DPH6: variants seen among roughly 807,000 people sequenced by gnomAD.
DPH6 encodes the protein diphthamine biosynthesis 6, also known as diphthine--ammonia ligase.
DPH6 carries 33 observed loss-of-function variants against 38.2 expected under a neutral mutation model. The ratio of observed to expected loss-of-function variants is 0.86; its 90% CI spans 0.65 to 1.15. The LOEUF is 1.15. Among genes scored for constraint, DPH6 ranks in the 50% most tolerant of loss-of-function variants. DPH6 has a pLI of 0.00. For synonymous variants in DPH6, 108 were observed against 103.0 expected (o/e 1.05, Z -0.30); for missense variants, 325 against 320.0 (o/e 1.02, Z -0.12).
chr15:35,353,141 G>A (rs2052529999), intron 3 of DPH6, among the ~76,000 whole-genome samples: 2 of 152,022 alleles, frequency 1.3e-5, no homozygotes, highest in Non-Finnish European at 2.9e-5. Flanking sequence ...TTTTTTTCTT[G>A]TAAATTTGTT....
At chr15:35,420,140 A>C (rs2053486056) in intron 5 of DPH6, among the ~76,000 whole-genome samples, 1 of 152,160 alleles carries the variant, frequency 6.6e-6, no homozygotes, top group Non-Finnish European at 1.5e-5. Context: ...AATCATGGAA[A>C]ATTGAGAAGT....
At chr15:35,284,571 T>C (rs941322135) in intron 3 of DPH6, among the ~76,000 whole-genome samples, 2 of 150,678 alleles carry the variant, frequency 1.3e-5, no homozygotes, top group African/African-American at 4.9e-5. Flanking sequence ...AAATTATATA[T>C]ATAATAAAAA....
At chr15:35,507,963 G>A (rs2054717443) in intron 3 of DPH6, among the ~76,000 whole-genome samples, 1 of 151,988 alleles carries the variant, frequency 6.6e-6, no homozygotes, top group Non-Finnish European at 1.5e-5. Flanking sequence ...CTAGAAAATT[G>A]TCAGTATACA....
intron 3 of DPH6, among the ~76,000 whole-genome samples, chr15:35,221,565 G>A (rs1025201551): frequency 6.6e-6 from 1 of 152,294 alleles, no homozygotes; most frequent in Non-Finnish European, 1.5e-5. Flanking sequence ...TCCTGAGAGA[G>A]GTAGCAGGAC....
chr15:35,410,956 T>C (rs1259899131), intron 5 of DPH6, 60 bp from the exon 6 acceptor site: 1 of 1,477,558 alleles, frequency 6.8e-7, no homozygotes, highest in Non-Finnish European at 9.3e-7. Context: ...TAAAGACACA[T>C]TCCCCTTCCC....
rs150442911 is a variant in DPH6, at chr15:35,338,424, T to C, written n.208-7347A>G. Among the ~76,000 whole-genome samples the C allele has an allele frequency of 7.0e-3, 1,062 of 152,176 alleles. 8 individuals carry two copies. Among genetic ancestry groups the C allele is most frequent in the South Asian group, 0.037 (179 of 4,820 alleles). ...GACATTTATGCAGCCAAAAAACAGA[T>C]GAAAGAATGCTCACCATCACTGGCC... On this transcript the variant is annotated intron_variant and non_coding_transcript_variant, in intron 3 of 3. Transcript: ENST00000558973.
intron 3 of DPH6, among the ~76,000 whole-genome samples, chr15:35,345,143 C>T (rs2052451415): frequency 6.6e-6 from 1 of 151,752 alleles, no homozygotes; most frequent in African/African-American, 2.4e-5. Context: ...CCCAAAGTCA[C>T]TTGACATGAA....
At chr15:35,353,836 T>C (rs1465928643) in intron 3 of DPH6, among the ~76,000 whole-genome samples, 4 of 152,224 alleles carry the variant, frequency 2.6e-5, no homozygotes, top group African/African-American at 7.2e-5. Flanking sequence ...GGTAGCTTGA[T>C]GGGGATGGCA....
intron 3 of DPH6, among the ~76,000 whole-genome samples, chr15:35,226,162 A>G (rs1217164771): frequency 2.0e-5 from 3 of 152,132 alleles, no homozygotes; most frequent in Non-Finnish European, 4.4e-5. Flanking sequence ...ATATTATTAT[A>G]GAAATAACAG....
the DPH6 span, among the ~76,000 whole-genome samples, chr15:35,176,527 A>G: frequency 1.3e-5 from 2 of 151,292 alleles, no homozygotes; most frequent in Admixed American, 1.3e-4. Context: ...GCTGGAGTGC[A>G]ATGGCGTGAT....
At chr15:35,246,299 C>CTTCA (rs1258389605) in intron 3 of DPH6, among the ~76,000 whole-genome samples, 4 of 152,192 alleles carry the variant, frequency 2.6e-5, no homozygotes, top group Admixed American at 1.3e-4. Flanking sequence ...ACAGTTATTT[C>CTTCA]TTCATTCATT....
intron 3 of DPH6, among the ~76,000 whole-genome samples, chr15:35,466,524 AC>A (rs987064888): frequency 3.9e-5 from 6 of 152,176 alleles, no homozygotes; most frequent in Non-Finnish European, 5.9e-5. Context: ...TAAAATCTAT[AC>A]TTAAACCACT....
Position 35,453,515 on chromosome 15 carries a change from G to A in DPH6, c.386+1232C>T, listed in dbSNP as rs544927615. Reference sequence around the variant, plus strand: ...ATTATTTCTAATGTCTGGCTTAAGGGATATGCAATTCATCTCCATCTGCAG... The same window carrying A: ...ATTATTTCTAATGTCTGGCTTAAGGAATATGCAATTCATCTCCATCTGCAG... On this transcript the variant is annotated intron_variant, in intron 4 of 8. Transcript: ENST00000256538. 7.2e-5 allele frequency among the ~76,000 whole-genome samples: 11 copies of A among 152,224 alleles called. No homozygotes were observed. In the East Asian group the frequency reaches 1.9e-3, roughly 27 times the overall value.
chr15:35,239,768 A>G (rs184022929), intron 3 of DPH6, among the ~76,000 whole-genome samples: 23,335 of 136,640 alleles, frequency 0.17, 5,324 homozygotes, highest in African/African-American at 0.41. Context: ...CACCCTTAGC[A>G]GCAAGTCCCG....
chr15:35,204,312 G>C, the DPH6 span, among the ~76,000 whole-genome samples: 1 of 151,732 alleles, frequency 6.6e-6, no homozygotes, highest in Non-Finnish European at 1.5e-5. Context: ...ATAACTCAGG[G>C]CTAAATTTAG....
intron 5 of DPH6, among the ~76,000 whole-genome samples, chr15:35,423,218 C>G (rs1344596122): frequency 6.6e-6 from 1 of 151,616 alleles, no homozygotes; most frequent in African/African-American, 2.4e-5. Flanking sequence ...ACTTATCTTT[C>G]ACTTTTCTGA....
chr15:35,187,691 G>C, the DPH6 span, among the ~76,000 whole-genome samples: 1 of 152,182 alleles, frequency 6.6e-6, no homozygotes, highest in African/African-American at 2.4e-5. Context: ...TTACCAATTA[G>C]AATTAGAATT....
At chr15:35,307,216 A>T (rs140623174) in intron 3 of DPH6, among the ~76,000 whole-genome samples, 43 of 152,280 alleles carry the variant, frequency 2.8e-4, no homozygotes, top group African/African-American at 8.7e-4. Context: ...TTGAGGGCAG[A>T]TGGATATAGT....
At chr15:35,520,632 A>G (rs1260216649) in intron 3 of DPH6, 2 of 984,782 alleles carry the variant, frequency 2.0e-6, no homozygotes, top group Non-Finnish European at 1.2e-6. Flanking sequence ...ATGCAAAAGT[A>G]AAAGGGAGTT....
Sources: allele counts gnomAD v4.1 joint callset (sites outside exome capture counted in the v4.1 genomes callset), GRCh38; gene constraint gnomAD v4.1.1; transcripts MANE v1.5; gene names NCBI Gene and HGNC (gene_info 2026-07-23, HGNC 2026-07-21).